Variants in CHADL observed in about 807,000 individuals in gnomAD.
CHADL encodes the protein chondroadherin-like protein.
Under a neutral mutation model 52.1 loss-of-function variants are expected in CHADL, and 48 were observed. The observed-to-expected ratio is 0.92, with a 90% confidence interval of 0.73 to 1.17. The LOEUF (loss-of-function observed/expected upper bound fraction) is 1.17, where lower values mean the gene tolerates loss of function less well. Among genes scored for constraint, CHADL ranks in the 50% most tolerant of loss-of-function variants. CHADL has a pLI of 0.00. For synonymous variants in CHADL, 498 were observed against 511.2 expected (o/e 0.97, Z 0.35); for missense variants, 977 against 1,035.1 (o/e 0.94, Z 0.77).
chr22:41,238,084 C>T lies in CHADL; in HGVS notation c.988G>A (p.Val330Met). Residue 330 changes from valine (V) to methionine (M), a missense_variant, in exon 3 of 6, where the codon GTG becomes ATG. Val to Met is a conservative substitution (Grantham distance 21). Coordinates refer to ENST00000216241, the MANE Select transcript of CHADL (RefSeq NM_138481.2). This position sits in a 1 kb window ranked among gnomAD's most constrained non-coding sequence, Gnocchi z 4.9. ...PLLEWLARAR[V>M]RSDGACQGPR... ...CCCTGGCACGCGCCGTCCGAGCGCA[C>T]GCGCGCCCGCGCCAGCCACTCGAGT... 1 of 1,283,214 alleles carries T rather than the reference C, an allele frequency of 7.8e-7. No homozygotes were observed. Among genetic ancestry groups the T allele is most frequent in the Non-Finnish European group, 9.8e-7 (1 of 1,023,596 alleles). 79.5% of individuals were successfully genotyped at this position (1,283,214 alleles called of 1,614,324 possible).
Position 41,235,215 on chromosome 22 carries a change from T to G in CHADL, c.2192A>C (p.Lys731Thr). 5 of 1,551,534 alleles carry G rather than the reference T, an allele frequency of 3.2e-6. No homozygotes were observed. Among genetic ancestry groups the G allele is most frequent in the Non-Finnish European group, 4.4e-6 (5 of 1,146,998 alleles). Residue 731 changes from lysine (K) to threonine (T), a missense_variant, in exon 5 of 6, where the codon AAG becomes ACG. Lys to Thr is a moderately conservative substitution (Grantham distance 78, BLOSUM62 -1). Transcript: ENST00000216241. Reference protein sequence around the residue: ...DCPGWAARKAKRTPASRPSAR... With the variant: ...DCPGWAARKATRTPASRPSAR... The stretch of plus-strand genomic sequence containing the variant: ...ACTGGGCCTGGAGGCTGGTGTCCGC[T>G]TGGCCTTTCTGGCAGCCCAGCCCGG...
chr22:41,235,350 A>G lies in CHADL; in HGVS notation c.2064-7T>C. ...GTTCAGCCCAGTAAGCCACCTGAAGAGAAAAGAGAGCTGGGGAGCTAGCTG... is the reference window on the plus strand; with the variant it reads ...GTTCAGCCCAGTAAGCCACCTGAAGGGAAAAGAGAGCTGGGGAGCTAGCTG... On this transcript the variant is annotated splice_polypyrimidine_tract_variant and splice_region_variant and intron_variant, in intron 4 of 5. Coordinates refer to ENST00000216241, the MANE Select transcript of CHADL (RefSeq NM_138481.2). 1 of 1,549,668 alleles carries G rather than the reference A, an allele frequency of 6.5e-7. No individual in the cohort carries two copies. The highest frequency in any genetic ancestry group is 8.7e-7 in the Non-Finnish European group (1 of 1,146,514).
rs897371058 is a variant in CHADL, at chr22:41,237,321, A to C, written c.1751T>G (p.Val584Gly). 4 of 1,550,572 alleles carry C rather than the reference A, an allele frequency of 2.6e-6. No homozygotes were observed. Among genetic ancestry groups the C allele is most frequent in the Non-Finnish European group, 3.5e-6 (4 of 1,146,936 alleles). The change falls in exon 3 of 6, where the codon GTG (valine) becomes GGG (glycine). Residue 584 changes from valine (V) to glycine (G), a missense_variant. Coordinates refer to ENST00000216241, the MANE Select transcript of CHADL (RefSeq NM_138481.2). ...LHLDRNQLRE[V>G]PTGALEGLPA... ...CAGCCCCTCCAAGGCCCCAGTGGGC[A>C]CCTCTCGCAGCTGATTCCTGTCCAG... is the stretch of plus-strand genomic sequence containing the variant.
rs754747254 is a variant in CHADL, at chr22:41,238,542, G to A, written c.530C>T (p.Ala177Val). 6.5e-7 allele frequency: 1 copy of A among 1,545,592 alleles called. No homozygotes were observed. The highest frequency in any genetic ancestry group is 1.2e-5 in the South Asian group (1 of 84,014). The stretch of plus-strand genomic sequence containing the variant: ...GCGGACGCGCAGTAGCCCCTGGAAG[G>A]CCATGGCGGGCAGGTAAACCAGGGC... ...HNALVYLPAM[A>V]FQGLLRVRWL... The change falls in exon 3 of 6, where the codon GCC becomes GTC. Residue 177 changes from alanine (A) to valine (V), a missense_variant. Ala to Val is a moderately conservative substitution (Grantham distance 64). Coordinates refer to ENST00000216241, the MANE Select transcript of CHADL (RefSeq NM_138481.2). This position sits in a 1 kb window ranked among gnomAD's most constrained non-coding sequence, Gnocchi z 4.9.
intron 5 of CHADL, 84 bp downstream of exon 5, chr22:41,235,061 C>T: frequency 2.9e-6 from 4 of 1,385,768 alleles, no homozygotes; most frequent in Non-Finnish European, 4.0e-6. Context: ...CAGGACCAAG[C>T]CAAGTCAGGC....
rs1305823603 is a variant in CHADL at position 41,235,337 on chromosome 22, A to G, written c.2070T>C (p.Leu690=). ...CCCCCACCCGCAGGTTCAGCCCAGT[A>G]AGCCACCTGAAGAGAAAAGAGAGCT... The part of the protein sequence containing the change: ...DCQLLPLHRW[L]TGLNLRVGAT... Residue 690 remains leucine, a synonymous_variant, in exon 5 of 6, where the codon CTT becomes CTC. Transcript: ENST00000216241. 4.1e-5 allele frequency: 63 copies of G among 1,550,358 alleles called. No homozygotes were observed. The highest frequency in any genetic ancestry group is 5.3e-5 in the Non-Finnish European group (61 of 1,146,854).
chr22:41,236,703 C>T (rs1601557583), intron 3 of CHADL, 53 bp from the exon 4 acceptor site: 1 of 1,485,838 alleles, frequency 6.7e-7, no homozygotes, highest in Non-Finnish European at 9.0e-7. Context: ...CTGTCCCACC[C>T]CCAAGTCTGG....
chr22:41,229,767 T>C, intron 5 of CHADL, 37 bp from the exon 6 acceptor site: 1 of 1,572,266 alleles, frequency 6.4e-7, no homozygotes, highest in African/African-American at 1.3e-5. Context: ...TTCTTTGGCA[T>C]TTTCTGGGCA....
rs906570416 is a variant in CHADL at position 41,237,242 on chromosome 22, G to C, written c.1830C>G (p.Asp610Glu). 116 of 1,550,370 alleles carry C rather than the reference G, an allele frequency of 7.5e-5. No individual in the cohort carries two copies. The highest frequency in any genetic ancestry group is 9.6e-5 in the Non-Finnish European group (110 of 1,146,936). ...LSGNPLRALRDGAFQPVGRSL... is the reference protein window; with the variant it reads ...LSGNPLRALREGAFQPVGRSL... ...ACCTGCCCACAGGCTGGAAGGCTCC[G>C]TCACGCAAGGCCCTGAGTGGGTTGC... Residue 610 changes from aspartate to glutamate, a missense_variant, in exon 3 of 6, where the codon GAC becomes GAG. Asp to Glu is a conservative substitution (Grantham distance 45). Coordinates refer to ENST00000216241, the MANE Select transcript of CHADL (RefSeq NM_138481.2).
chr22:41,235,875 TTTTTA>T (rs1165592710), intron 4 of CHADL, among the ~76,000 whole-genome samples: 1 of 152,036 alleles, frequency 6.6e-6, no homozygotes, highest in African/African-American at 2.4e-5. Context: ...TTCTTGTGAC[TTTTTA>T]TTTTTTTTTG....
Position 41,238,106 on chromosome 22 carries a change from G to A in CHADL, c.966C>T (p.Leu322=). 1 of 1,308,936 alleles carries A rather than the reference G, an allele frequency of 7.6e-7. No homozygotes were observed. Among genetic ancestry groups the A allele is most frequent in the Non-Finnish European group, 9.7e-7 (1 of 1,035,616 alleles). 81.1% of individuals were successfully genotyped at this position (1,308,936 alleles called of 1,614,324 possible). Residue 322 remains leucine, a synonymous_variant, in exon 3 of 6, where the codon CTC becomes CTT. Transcript: ENST00000216241. The surrounding 1 kb of genome is among the most constrained non-coding windows in gnomAD (Gnocchi z 4.9). ...GCACGCGCGCCCGCGCCAGCCACTCGAGTAGGGGCCGCGCCTGGCAGCCGC... is the reference window on the plus strand; with the variant it reads ...GCACGCGCGCCCGCGCCAGCCACTCAAGTAGGGGCCGCGCCTGGCAGCCGC... ...LWCGCQARPL[L]EWLARARVRS...
intron 5 of CHADL, among the ~76,000 whole-genome samples, chr22:41,233,473 A>C (rs992835400): frequency 2.0e-5 from 3 of 151,772 alleles, no homozygotes; most frequent in Admixed American, 1.3e-4. Context: ...AGAAAAAAAA[A>C]GGGGGGGTGG....
At position 41,239,709 on chromosome 22, in the gene CHADL, C is replaced by A; in HGVS notation, c.9-89G>T. 4.2e-6 allele frequency: 5 copies of A among 1,193,084 alleles called. No individual in the cohort carries two copies. In the South Asian group the frequency reaches 7.0e-5, roughly 17 times the overall value. 73.9% of individuals were successfully genotyped at this position (1,193,084 alleles called of 1,614,324 possible). A position where few individuals can be genotyped will look rare whatever the true frequency, so the allele number is the denominator to read the frequency against. On this transcript the variant is annotated intron_variant, in intron 1 of 5. Transcript: ENST00000216241. ...GTCCCAGCCATGGTGCAGCTCCTGC[C>A]CCAAAAACCCCTCAGAGCCTCCTCC...
At chr22:41,234,698 C>T (rs556459758) in intron 5 of CHADL, among the ~76,000 whole-genome samples, 121 of 152,282 alleles carry the variant, frequency 7.9e-4, no homozygotes, top group African/African-American at 2.9e-3. Context: ...GGACTACAAG[C>T]GCCCACCACC....
At chr22:41,236,234 C>T (rs1222416471) in intron 4 of CHADL, among the ~76,000 whole-genome samples, 1 of 152,214 alleles carries the variant, frequency 6.6e-6, no homozygotes, top group Non-Finnish European at 1.5e-5. Context: ...TCCCAGCCCG[C>T]TAGGCAGAGC....
intron 5 of CHADL, among the ~76,000 whole-genome samples, chr22:41,232,079 T>C (rs983436272): frequency 5.9e-5 from 9 of 152,280 alleles, no homozygotes; most frequent in East Asian, 3.9e-4. Context: ...ACGCCTGTAA[T>C]CCCAGCACTT....
chr22:41,240,619 T>C (rs540826405), intron 1 of CHADL, among the ~76,000 whole-genome samples: 1 of 152,328 alleles, frequency 6.6e-6, no homozygotes, highest in South Asian at 2.1e-4. Context: ...GACAGATCGC[T>C]GAAGCGACAA....
intron 5 of CHADL, chr22:41,231,234 A>C (rs557383289): frequency 1.3e-5 from 2 of 152,048 alleles, no homozygotes; most frequent in Admixed American, 6.5e-5. Context: ...GGCTCCCCAG[A>C]CTCTGTGTGT....
At chr22:41,236,712 G>A (rs2032746985) in intron 3 of CHADL, 62 bp from the exon 4 acceptor site, 3 of 1,444,686 alleles carry the variant, frequency 2.1e-6, no homozygotes, top group South Asian at 2.6e-5. Flanking sequence ...CCCCAAGTCT[G>A]GAAGGGAGCC....
Sources: gnomAD v4.1 joint callset for allele counts (sites outside exome capture counted in the v4.1 genomes callset) on GRCh38, gnomAD v4.1.1 for gene constraint, Gnocchi (gnomAD v3.1) non-coding constraint, MANE v1.5 for transcripts, NCBI Gene and HGNC (gene_info 2026-07-23, HGNC 2026-07-21) for gene names.